The following GNAI1 variants were observed in gnomAD, a reference collection of about 807,000 sequenced individuals.
The protein encoded by GNAI1 is G protein subunit alpha i1, also known as guanine nucleotide-binding protein G(i) subunit alpha-1.
Under a neutral mutation model 38.9 loss-of-function variants are expected in GNAI1, and 11 were observed. That is an observed-to-expected ratio of 0.28 (90% CI 0.18 to 0.47). GNAI1 has a LOEUF of 0.47. GNAI1 is among the 20% of genes least tolerant of loss of function. The pLI is 0.99. For synonymous variants in GNAI1, 166 were observed against 145.1 expected (o/e 1.14, Z -1.04); for missense variants, 317 against 436.9 (o/e 0.73, Z 2.45).
chr7:80,158,438 G>A (rs1271323378), intron 1 of GNAI1, among the ~76,000 whole-genome samples: 2 of 152,144 alleles, frequency 1.3e-5, no homozygotes, highest in Non-Finnish European at 2.9e-5. Context: ...TAATCTTCAC[G>A]TGGGAGGGAC....
chr7:80,197,367 C>G (rs1340946663), intron 3 of GNAI1, among the ~76,000 whole-genome samples: 1 of 151,726 alleles, frequency 6.6e-6, no homozygotes, highest in African/African-American at 2.4e-5. Context: ...TACTTCAGGC[C>G]TATTCCTGGA....
chr7:80,143,572 A>G (rs971775518), intron 1 of GNAI1, among the ~76,000 whole-genome samples: 80 of 152,254 alleles, frequency 5.3e-4, no homozygotes, highest in African/African-American at 1.9e-3. Context: ...AGCTCTGTAG[A>G]AAGGCTTTCC....
At chr7:80,183,752 A>G (rs1788338065) in intron 1 of GNAI1, among the ~76,000 whole-genome samples, 2 of 152,180 alleles carry the variant, frequency 1.3e-5, no homozygotes, top group African/African-American at 4.8e-5. Flanking sequence ...TCAGAGGCAG[A>G]CACTGTTTGA....
At chr7:80,173,364 T>A (rs1056768557) in intron 1 of GNAI1, among the ~76,000 whole-genome samples, 8 of 152,196 alleles carry the variant, frequency 5.3e-5, no homozygotes, top group African/African-American at 1.7e-4. Context: ...ATAGCTTAGA[T>A]GTCAAGTAAA....
intron 6 of GNAI1, among the ~76,000 whole-genome samples, chr7:80,212,014 T>A (rs528149132): frequency 1.3e-5 from 2 of 152,226 alleles, no homozygotes; most frequent in East Asian, 3.9e-4. Context: ...TATGTGTGGG[T>A]TCCACAGAAC....
chr7:80,134,851 AGGCTGCGGCGC>A lies in GNAI1; in HGVS notation c.-306_-296del, dbSNP rs1787375646. The A allele has an allele frequency of 5.2e-6, 1 of 193,888 alleles. No individual in the cohort carries two copies. Among genetic ancestry groups the A allele is most frequent in the Non-Finnish European group, 1.0e-5 (1 of 96,266 alleles). The allele number at this position is 193,888 out of a possible 1,614,324, so 12.0% of individuals were successfully genotyped here. On this transcript the variant is annotated 5_prime_UTR_variant, in exon 1 of 8. Coordinates refer to ENST00000649796, the MANE Select transcript of GNAI1 (RefSeq NM_002069.6). ...AGGCCGAGCTCGGCTGGGCTTGGCG[AGGCTGCGGCGC>A]GGCCACCGGCGGGAGTGCAGCGGCC... is the stretch of plus-strand genomic sequence containing the variant.
chr7:80,211,451 C>T (rs1329396127), intron 6 of GNAI1, among the ~76,000 whole-genome samples: 1 of 149,260 alleles, frequency 6.7e-6, no homozygotes, highest in Non-Finnish European at 1.5e-5. Context: ...CGGAGTCTCG[C>T]CCTGTTGCCA....
intron 1 of GNAI1, among the ~76,000 whole-genome samples, chr7:80,143,904 A>ATATG (rs1787570273): frequency 1.3e-5 from 1 of 76,266 alleles, no homozygotes. Flanking sequence ...CTTAGCAAGG[A>ATATG]TGTGTGTGTG....
rs1292020708 is a variant in GNAI1 at position 80,219,686 on chromosome 7, A to G, written c.*2193A>G. On this transcript the variant is annotated 3_prime_UTR_variant, in exon 8 of 8. Transcript: ENST00000649796. ...CACCCTGACTTTGCCATTTTTCCTTACTAAGTACCATCATCATTTATTCCT... is the reference window on the plus strand; with the variant it reads ...CACCCTGACTTTGCCATTTTTCCTTGCTAAGTACCATCATCATTTATTCCT... Among the ~76,000 whole-genome samples the G allele has an allele frequency of 6.6e-6, 1 of 152,164 alleles. No homozygotes were observed. The highest frequency in any genetic ancestry group is 1.9e-4 in the East Asian group (1 of 5,194).
At chr7:80,201,416 G>A (rs968008243) in intron 4 of GNAI1, among the ~76,000 whole-genome samples, 2 of 152,110 alleles carry the variant, frequency 1.3e-5, no homozygotes, top group Admixed American at 6.5e-5. Flanking sequence ...CTACTTGGAC[G>A]TGAGTTAACA....
chr7:80,194,970 G>A (rs554003213), intron 3 of GNAI1, among the ~76,000 whole-genome samples: 1 of 151,918 alleles, frequency 6.6e-6, no homozygotes, highest in African/African-American at 2.4e-5. Flanking sequence ...ATGAAAATAC[G>A]GTTTTTGTTT....
intron 1 of GNAI1, among the ~76,000 whole-genome samples, chr7:80,144,932 T>A (rs7801052): frequency 0.067 from 10,268 of 152,238 alleles, 1,164 homozygotes; most frequent in African/African-American, 0.23. Context: ...ATTTTGTTAC[T>A]GTAAAAAGTA....
intron 4 of GNAI1, among the ~76,000 whole-genome samples, chr7:80,199,696 G>A (rs963663362): frequency 6.6e-6 from 1 of 152,004 alleles, no homozygotes; most frequent in Non-Finnish European, 1.5e-5. Flanking sequence ...TCCAAATTGG[G>A]GTGTATTTCT....
At position 80,210,512 on chromosome 7, in the gene GNAI1, G is replaced by A. The variant is rs952737060; in HGVS notation, c.591-457G>A. Among the ~76,000 whole-genome samples, 3 of 151,386 alleles carry A rather than the reference G, an allele frequency of 2.0e-5. No homozygotes were observed. The South Asian group carries it at 6.2e-4, about 31-fold the overall frequency. ...TATTATTTCTGAGTTAAAACGACAT[G>A]TTTTAGTAGGAGGAGGGGTCTCTGT... On this transcript the variant is annotated intron_variant, in intron 5 of 7. Coordinates refer to ENST00000649796, the MANE Select transcript of GNAI1 (RefSeq NM_002069.6).
At chr7:80,142,654 G>C (rs1195833644) in intron 1 of GNAI1, among the ~76,000 whole-genome samples, 1 of 152,152 alleles carries the variant, frequency 6.6e-6, no homozygotes, top group Admixed American at 6.5e-5. Context: ...CATTAATTTT[G>C]ACTAGTTTTC....
chr7:80,171,841 C>T (rs1280755380), intron 1 of GNAI1, among the ~76,000 whole-genome samples: 2 of 152,106 alleles, frequency 1.3e-5, no homozygotes, highest in Non-Finnish European at 2.9e-5. Context: ...TCTAAACATT[C>T]CTTCCTCCCT....
chr7:80,216,389 T>C (rs901164950), intron 7 of GNAI1, among the ~76,000 whole-genome samples: 18 of 152,044 alleles, frequency 1.2e-4, no homozygotes, highest in Non-Finnish European at 1.5e-5. Flanking sequence ...TCACTGATAA[T>C]CACTGAAGAC....
intron 1 of GNAI1, among the ~76,000 whole-genome samples, chr7:80,170,661 GGC>G (rs1205082191): frequency 6.6e-6 from 1 of 152,146 alleles, no homozygotes; most frequent in Non-Finnish European, 1.5e-5. Flanking sequence ...GGAAGAGAGA[GGC>G]GGGAGGTGAT....
intron 1 of GNAI1, among the ~76,000 whole-genome samples, chr7:80,152,654 G>A (rs1438376058): frequency 6.8e-6 from 1 of 146,216 alleles, no homozygotes; most frequent in East Asian, 2.0e-4. Context: ...TCCAACTTCC[G>A]GGTTCATGCC....
Sources: gnomAD v4.1 joint callset for allele counts (sites outside exome capture counted in the v4.1 genomes callset) on GRCh38, gnomAD v4.1.1 for gene constraint, MANE v1.5 for transcripts, NCBI Gene and HGNC (gene_info 2026-07-23, HGNC 2026-07-21) for gene names.